Variants in MCTP2 observed in about 807,000 individuals in gnomAD.
MCTP2 encodes the protein multiple C2 and transmembrane domain-containing protein 2.
Under a neutral mutation model 111.6 loss-of-function variants are expected in MCTP2, and 132 were observed. That is an observed-to-expected ratio of 1.18 (90% confidence interval 1.03 to 1.37). The LOEUF is 1.37. MCTP2 is among the 40% of genes most tolerant of loss of function. MCTP2 has a pLI of 0.00. For synonymous variants in MCTP2, 395 were observed against 387.7 expected, an observed-to-expected ratio of 1.02 and a Z score of -0.22; for missense variants, 1,183 against 1,067.9, an observed-to-expected ratio of 1.11 and a Z score of -1.50.
rs922534213 is a variant in MCTP2, at chr15:94,476,865, A to G, written c.2568+72A>G. Reference sequence around the variant, plus strand: ...TGGCCAGCCCCGGAGCCAGAGGAACACAAGGCTTTGCTTGTGTGAGTAATT... The same window carrying G: ...TGGCCAGCCCCGGAGCCAGAGGAACGCAAGGCTTTGCTTGTGTGAGTAATT... On this transcript the variant is annotated intron_variant, in intron 22 of 22. Transcript: ENST00000357742. The G allele has an allele frequency of 1.9e-5, 17 of 877,638 alleles. No homozygotes were observed. The Middle Eastern group carries it at 9.0e-4, about 46-fold the overall frequency. 54.4% of individuals were successfully genotyped at this position (877,638 alleles called of 1,614,324 possible).
At chr15:94,245,345 T>G (rs2071794404) in intron 1 of MCTP2, among the ~76,000 whole-genome samples, 1 of 135,134 alleles carries the variant, frequency 7.4e-6, no homozygotes, top group Admixed American at 7.9e-5. Flanking sequence ...TGTAGATATT[T>G]ACATACATAT....
intron 8 of MCTP2, among the ~76,000 whole-genome samples, chr15:94,348,789 T>G (rs1302350330): frequency 6.6e-6 from 1 of 151,932 alleles, no homozygotes; most frequent in African/African-American, 2.4e-5. Flanking sequence ...TATTCCCAAA[T>G]TAATACAGTT....
intron 12 of MCTP2, among the ~76,000 whole-genome samples, chr15:94,380,837 A>G (rs2080097142): frequency 6.6e-6 from 1 of 152,176 alleles, no homozygotes; most frequent in Non-Finnish European, 1.5e-5. Context: ...TTTGTCATTC[A>G]GCTTCTATAA....
chr15:94,288,055 A>G (rs1382717550), intron 1 of MCTP2, among the ~76,000 whole-genome samples: 1 of 152,202 alleles, frequency 6.6e-6, no homozygotes, highest in African/African-American at 2.4e-5. Context: ...AAACTGCAGA[A>G]GCAAAAATAA....
In MCTP2 at chr15:94,464,242, ATATATATATATATAT is replaced by A. The variant is rs1456335919; in HGVS notation, c.2360+6012_2360+6026del. On this transcript the variant is annotated intron_variant, in intron 20 of 22. Coordinates refer to ENST00000357742, the MANE Select transcript of MCTP2 (RefSeq NM_001385001.1). Reference sequence around the variant, plus strand: ...AATATTATATGTTTATATATATAATATATATATATATATATTATATATATATATATATATATAAAC... The same window carrying A: ...AATATTATATGTTTATATATATAATATATATATATATATATATATATAAAC... Among the ~76,000 whole-genome samples the A allele has an allele frequency of 1.6e-4, 8 of 50,588 alleles. 1 individual carries two copies. Among genetic ancestry groups the A allele is most frequent in the East Asian group, 4.5e-4 (1 of 2,246 alleles). 33.2% of individuals were successfully genotyped at this position (50,588 alleles called of 152,430 possible).
At chr15:94,394,315 G>A (rs1407898482) in intron 14 of MCTP2, among the ~76,000 whole-genome samples, 2 of 151,994 alleles carry the variant, frequency 1.3e-5, no homozygotes, top group African/African-American at 2.4e-5. Flanking sequence ...GAAGATCAGA[G>A]TTGTTAAGTA....
intron 4 of MCTP2, among the ~76,000 whole-genome samples, chr15:94,331,279 G>A (rs1358061889): frequency 1.3e-5 from 2 of 152,144 alleles, no homozygotes; most frequent in African/African-American, 2.4e-5. Flanking sequence ...AAAGCCAAAA[G>A]AGCATTTTAA....
At chr15:94,443,459 C>T (rs1054144947) in intron 19 of MCTP2, among the ~76,000 whole-genome samples, 2 of 152,162 alleles carry the variant, frequency 1.3e-5, no homozygotes, top group East Asian at 1.9e-4. Context: ...GTTGTCATTA[C>T]GCTTTCAGAC....
chr15:94,413,569 A>AGTGTGTGTGTGTGTGT, intron 17 of MCTP2, among the ~76,000 whole-genome samples: 1 of 149,342 alleles, frequency 6.7e-6, no homozygotes, highest in South Asian at 2.1e-4. Flanking sequence ...CATGACGCTG[A>AGTGTGTGTGTGTGTGT]GTGTGTGTGT....
At chr15:94,355,956 G>A (rs760738922) in intron 8 of MCTP2, 181 bp from the exon 9 acceptor site, 430 of 1,264,420 alleles carry the variant, frequency 3.4e-4, no homozygotes, top group Non-Finnish European at 4.0e-4. Flanking sequence ...TCCAAAGCTT[G>A]AGAAGGAAGT....
chr15:94,357,741 G>A (rs1344496887), intron 9 of MCTP2, among the ~76,000 whole-genome samples: 1 of 152,086 alleles, frequency 6.6e-6, no homozygotes, highest in Non-Finnish European at 1.5e-5. Context: ...CACCCCTAGA[G>A]CCTAATACTC....
intron 1 of MCTP2, among the ~76,000 whole-genome samples, chr15:94,234,788 C>T (rs1466772559): frequency 6.6e-6 from 1 of 152,196 alleles, no homozygotes; most frequent in Non-Finnish European, 1.5e-5. Context: ...TCCTGATTGT[C>T]AAGAACTCCC....
intron 17 of MCTP2, among the ~76,000 whole-genome samples, chr15:94,415,407 A>G (rs2082327008): frequency 6.6e-6 from 1 of 152,104 alleles, no homozygotes; most frequent in South Asian, 2.1e-4. Flanking sequence ...TGCTCTTTAA[A>G]TGCTCTGCAT....
intron 2 of MCTP2, among the ~76,000 whole-genome samples, chr15:94,309,263 A>G (rs1029227828): frequency 6.6e-6 from 1 of 151,818 alleles, no homozygotes. Context: ...TTTGTCCTCT[A>G]TGTATTTGTG....
At chr15:94,257,284 T>C (rs2072838073) in intron 1 of MCTP2, among the ~76,000 whole-genome samples, 1 of 152,096 alleles carries the variant, frequency 6.6e-6, no homozygotes, top group Non-Finnish European at 1.5e-5. Flanking sequence ...ATGGGAACAC[T>C]AGCTTCCCAA....
At chr15:94,348,157 C>A (rs557233616) in intron 8 of MCTP2, among the ~76,000 whole-genome samples, 1 of 152,014 alleles carries the variant, frequency 6.6e-6, no homozygotes, top group South Asian at 2.1e-4. Flanking sequence ...TAATTGACTT[C>A]TAGTGCCAAT....
intron 1 of MCTP2, among the ~76,000 whole-genome samples, chr15:94,281,857 T>A (rs957157213): frequency 9.2e-5 from 14 of 152,210 alleles, no homozygotes; most frequent in African/African-American, 2.7e-4. Context: ...TGGAATTATT[T>A]TTTTTTCATA....
At chr15:94,385,675 C>T (rs144086888) in intron 14 of MCTP2, 150 bp downstream of exon 14, 75 of 576,012 alleles carry the variant, frequency 1.3e-4, no homozygotes, top group African/African-American at 9.7e-4. Context: ...CATTCTTTTC[C>T]GGTATTTTCA....
chr15:94,476,742 C>G lies in MCTP2; in HGVS notation c.2517C>G (p.Asp839Glu), dbSNP rs778153887. Reference protein sequence around the residue: ...TKKLRNPYSIDNNELLDFLSR... With the variant: ...TKKLRNPYSIENNELLDFLSR... Reference sequence around the variant, plus strand: ...AGCTTCGAAATCCCTATTCCATCGACAATAATGAGCTACTAGACTTCCTCT... The same window carrying G: ...AGCTTCGAAATCCCTATTCCATCGAGAATAATGAGCTACTAGACTTCCTCT... Residue 839 changes from aspartate to glutamate, a missense_variant, in exon 22 of 23, where the codon GAC becomes GAG. Asp to Glu is a conservative substitution (Grantham distance 45, BLOSUM62 2). Coordinates refer to ENST00000357742, the MANE Select transcript of MCTP2 (RefSeq NM_001385001.1). 6.2e-7 allele frequency: 1 copy of G among 1,609,760 alleles called. No homozygotes were observed. Among genetic ancestry groups the G allele is most frequent in the Non-Finnish European group, 8.5e-7 (1 of 1,176,272 alleles).
Sources: allele counts gnomAD v4.1 joint callset (sites outside exome capture counted in the v4.1 genomes callset), GRCh38; gene constraint gnomAD v4.1.1; transcripts MANE v1.5; gene names NCBI Gene and HGNC (gene_info 2026-07-23, HGNC 2026-07-21).